Variants in CYRIB observed in about 807,000 individuals in gnomAD.
CYRIB encodes the protein CYFIP related Rac1 interactor B.
A neutral mutation model predicts 44.2 loss-of-function variants in CYRIB; 8 were observed. That is an observed-to-expected ratio of 0.18 (90% CI 0.11 to 0.33). The LOEUF (loss-of-function observed/expected upper bound fraction) is 0.33. CYRIB is among the 10% of genes least tolerant of loss of function. The pLI is 1.00. For missense variants in CYRIB, 185 were observed against 382.8 expected, an observed-to-expected ratio of 0.48 and a Z score of 4.31; for synonymous variants, 131 against 127.2, an observed-to-expected ratio of 1.03 and a Z score of -0.20.
chr8:129,881,476 C>T (rs968576319), intron 2 of CYRIB, among the ~76,000 whole-genome samples: 3 of 152,214 alleles, frequency 2.0e-5, no homozygotes, highest in Non-Finnish European at 1.5e-5. Flanking sequence ...TAGCACTTCC[C>T]GTCACCTGTG....
At chr8:129,930,475 A>G (rs1417113652) in intron 1 of CYRIB, among the ~76,000 whole-genome samples, 2 of 148,794 alleles carry the variant, frequency 1.3e-5, no homozygotes, top group East Asian at 3.9e-4. Flanking sequence ...ACTGTTTTTA[A>G]AAGTTGCTTA....
chr8:130,003,092 A>G (rs2096944475), intron 1 of CYRIB, among the ~76,000 whole-genome samples: 2 of 152,210 alleles, frequency 1.3e-5, no homozygotes, highest in Non-Finnish European at 1.5e-5. Flanking sequence ...GCTGTTCCCA[A>G]TTGAATTGAA....
chr8:129,966,208 C>T (rs909297509), intron 2 of CYRIB, among the ~76,000 whole-genome samples: 3 of 152,184 alleles, frequency 2.0e-5, no homozygotes, highest in African/African-American at 4.8e-5. Context: ...CTTTCTATTA[C>T]TAGCAATGCT....
chr8:129,908,161 A>G (rs1322610386), intron 1 of CYRIB, among the ~76,000 whole-genome samples: 1 of 152,208 alleles, frequency 6.6e-6, no homozygotes, highest in Non-Finnish European at 1.5e-5. Flanking sequence ...GAGGAATAAT[A>G]TGCTAAAATA....
At chr8:129,931,750 C>T (rs540282120) in intron 1 of CYRIB, among the ~76,000 whole-genome samples, 1 of 152,100 alleles carries the variant, frequency 6.6e-6, no homozygotes, top group South Asian at 2.1e-4. Flanking sequence ...CCTCAGCCTC[C>T]CAAGTAGCTG....
intron 2 of CYRIB, among the ~76,000 whole-genome samples, chr8:129,961,889 C>T (rs2095274249): frequency 2.0e-5 from 3 of 152,190 alleles, no homozygotes; most frequent in Admixed American, 2.0e-4. Context: ...CCTATGACCT[C>T]GGGCAAGTTC....
intron 5 of CYRIB, among the ~76,000 whole-genome samples, chr8:129,859,865 G>A (rs2048392564): frequency 1.3e-5 from 2 of 152,096 alleles, no homozygotes; most frequent in South Asian, 2.1e-4. Context: ...GGAACAACTC[G>A]TGTCCTCGGT....
chr8:130,000,202 G>C (rs971504816), intron 1 of CYRIB, among the ~76,000 whole-genome samples: 1 of 152,186 alleles, frequency 6.6e-6, no homozygotes, highest in Admixed American at 6.5e-5. Context: ...AGAGAGCCCA[G>C]ATGTGAGGAC....
chr8:129,923,357 C>T (rs2085078465), intron 1 of CYRIB, among the ~76,000 whole-genome samples: 1 of 151,936 alleles, frequency 6.6e-6, no homozygotes, highest in Admixed American at 6.5e-5. Flanking sequence ...TCACTGCAAC[C>T]TCTGCCTCCC....
chr8:129,881,356 A>G (rs1358585777), intron 2 of CYRIB, among the ~76,000 whole-genome samples: 2 of 152,166 alleles, frequency 1.3e-5, no homozygotes, highest in Non-Finnish European at 2.9e-5. Flanking sequence ...GTTTTTCTCC[A>G]AAGATCCCGT....
At chr8:129,973,191 G>A (rs772560963) in intron 1 of CYRIB, among the ~76,000 whole-genome samples, 1 of 152,182 alleles carries the variant, frequency 6.6e-6, no homozygotes, top group African/African-American at 2.4e-5. Context: ...CTCTGAAAAG[G>A]GTATTTAATT....
exon 12 of CYRIB, chr8:129,840,537 A>G (rs1038652076): frequency 6.6e-6 from 1 of 152,164 alleles, no homozygotes; most frequent in Non-Finnish European, 1.5e-5. Context: ...TATTCAGCCT[A>G]TTACACTATT....
chr8:129,881,991 CAT>C (rs1342453390), intron 2 of CYRIB, among the ~76,000 whole-genome samples: 1 of 152,168 alleles, frequency 6.6e-6, no homozygotes, highest in African/African-American at 2.4e-5. Context: ...TTGGAAATAG[CAT>C]ATTTCACAGC....
At chr8:129,967,537 G>GCT in intron 2 of CYRIB, among the ~76,000 whole-genome samples, 1 of 151,942 alleles carries the variant, frequency 6.6e-6, no homozygotes, top group Non-Finnish European at 1.5e-5. Flanking sequence ...CTGCCACCAT[G>GCT]CCCGGCTAAT....
At chr8:129,891,394 T>C (rs571906336) in intron 2 of CYRIB, among the ~76,000 whole-genome samples, 102 of 141,926 alleles carry the variant, frequency 7.2e-4, no homozygotes, top group Non-Finnish European at 1.3e-3. Context: ...TTAACCTTAC[T>C]AACACTATCT....
At chr8:129,907,393 C>A (rs560302211) in intron 1 of CYRIB, among the ~76,000 whole-genome samples, 1 of 151,344 alleles carries the variant, frequency 6.6e-6, no homozygotes, top group South Asian at 2.1e-4. Context: ...GGGAACTGAA[C>A]AATGACAACA....
At chr8:129,986,458 T>TCA (rs1330832801) in intron 1 of CYRIB, among the ~76,000 whole-genome samples, 4 of 152,208 alleles carry the variant, frequency 2.6e-5, no homozygotes, top group Non-Finnish European at 5.9e-5. Context: ...GTGGCAGTGT[T>TCA]CAGAGGTGGG....
intron 2 of CYRIB, among the ~76,000 whole-genome samples, chr8:129,951,538 C>T (rs1303675682): frequency 6.6e-6 from 1 of 151,966 alleles, no homozygotes; most frequent in Middle Eastern, 3.4e-3. Context: ...AACCCCGTTT[C>T]TACTAAAAAT....
exon 10 of CYRIB, chr8:129,849,301 A>G: frequency 1.2e-6 from 2 of 1,613,550 alleles, no homozygotes; most frequent in Non-Finnish European, 1.7e-6. Flanking sequence ...ATAGAGTATT[A>G]TGACACCCAC....
Sources: allele counts gnomAD v4.1 joint callset (sites outside exome capture counted in the v4.1 genomes callset), GRCh38; gene constraint gnomAD v4.1.1; transcripts MANE v1.5; gene names NCBI Gene and HGNC (gene_info 2026-07-23, HGNC 2026-07-21).